KITLG: variants seen among roughly 807,000 people sequenced by gnomAD.
KITLG encodes the protein KIT ligand, also known as c-Kit ligand.
A neutral mutation model predicts 34.1 loss-of-function variants in KITLG; 13 were observed. The observed-to-expected ratio is 0.38, with a 90% CI of 0.25 to 0.61. The LOEUF (loss-of-function observed/expected upper bound fraction) is 0.61. Ranked by LOEUF, KITLG falls within the 20% of genes least tolerant of loss-of-function variation. The pLI is 0.60. For missense variants in KITLG, 292 were observed against 318.9 expected (o/e 0.92, Z 0.64); for synonymous variants, 110 against 104.0 (o/e 1.06, Z -0.35).
chr12:88,580,097 G>T, intron 1 of KITLG, 167 bp downstream of exon 1: 1 of 724,958 alleles, frequency 1.4e-6, no homozygotes. Flanking sequence ...ACCCGGCTCG[G>T]CTCGGGATCA....
chr12:88,567,498 G>A (rs896573289), intron 1 of KITLG, among the ~76,000 whole-genome samples: 1 of 152,182 alleles, frequency 6.6e-6, no homozygotes, highest in East Asian at 1.9e-4. Flanking sequence ...AAAGTAACTT[G>A]CATCTGTCTT....
At chr12:88,562,713 T>C (rs1179365870) in intron 1 of KITLG, among the ~76,000 whole-genome samples, 3 of 152,186 alleles carry the variant, frequency 2.0e-5, no homozygotes, top group Admixed American at 2.0e-4. Flanking sequence ...CCTAGGTCCA[T>C]GTAAGTGGAA....
At chr12:88,516,080 AAGGTATG>A (rs1869443932) in intron 5 of KITLG, among the ~76,000 whole-genome samples, 1 of 151,796 alleles carries the variant, frequency 6.6e-6, no homozygotes, top group South Asian at 2.1e-4. Flanking sequence ...TAGATGAGAA[AAGGTATG>A]AGTGGCCATC....
At chr12:88,515,386 T>G (rs545206012) in intron 6 of KITLG, 148 bp downstream of exon 6, 1 of 580,108 alleles carries the variant, frequency 1.7e-6, no homozygotes, top group Non-Finnish European at 3.1e-6. Context: ...TTCTACAAAC[T>G]TAAGTCTCAA....
chr12:88,505,297 G>T, intron 8 of KITLG, 62 bp from the exon 9 acceptor site: 2 of 1,327,226 alleles, frequency 1.5e-6, no homozygotes, highest in South Asian at 1.2e-5. Context: ...GGTACACCAT[G>T]ATCTCGGCAT....
At chr12:88,518,577 T>C in intron 4 of KITLG, 120 bp downstream of exon 4, 1 of 782,552 alleles carries the variant, frequency 1.3e-6, no homozygotes, top group East Asian at 2.6e-5. Context: ...ATTTTTAAAT[T>C]TGAAGTTTAT....
rs1490799451 is a variant in KITLG at position 88,571,249 on chromosome 12, C to T, written c.15+9015G>A. ...GAAACAATGCTCTATTAAGTAAGTG[C>T]CAGTTGCTGTGATGTTAGACAGTCT... is the stretch of plus-strand genomic sequence containing the variant. On this transcript the variant is annotated intron_variant, in intron 1 of 9. Coordinates refer to ENST00000644744, the MANE Select transcript of KITLG (RefSeq NM_000899.5). Among the ~76,000 whole-genome samples, 3 of 152,224 alleles carry T rather than the reference C, an allele frequency of 2.0e-5. No homozygotes were observed. The East Asian group carries it at 5.8e-4, about 29-fold the overall frequency.
chr12:88,515,959 G>C (rs1273800763), intron 5 of KITLG, among the ~76,000 whole-genome samples: 1 of 151,690 alleles, frequency 6.6e-6, no homozygotes, highest in Non-Finnish European at 1.5e-5. Flanking sequence ...AGAGTAACTG[G>C]GGAGGATCAG....
At chr12:88,547,256 T>C (rs569803259) in intron 1 of KITLG, among the ~76,000 whole-genome samples, 1 of 152,220 alleles carries the variant, frequency 6.6e-6, no homozygotes, top group African/African-American at 2.4e-5. Flanking sequence ...AACTAGATAT[T>C]ATACTAGAAC....
intron 1 of KITLG, among the ~76,000 whole-genome samples, chr12:88,564,697 G>A (rs1489495275): frequency 1.3e-5 from 2 of 151,326 alleles, no homozygotes; most frequent in African/African-American, 2.4e-5. Context: ...TTCAAGAAAT[G>A]TTAACTTTTC....
intron 3 of KITLG, among the ~76,000 whole-genome samples, chr12:88,529,774 G>A (rs908946046): frequency 2.6e-5 from 4 of 152,124 alleles, no homozygotes; most frequent in African/African-American, 4.8e-5. Flanking sequence ...TCTGGTCTTC[G>A]CAGAAACGAA....
At chr12:88,521,055 A>G (rs954253080) in intron 3 of KITLG, among the ~76,000 whole-genome samples, 1 of 152,176 alleles carries the variant, frequency 6.6e-6, no homozygotes, top group Admixed American at 6.5e-5. Flanking sequence ...GTGTATTTCT[A>G]AAACACTTGT....
chr12:88,548,767 T>C (rs555522835), intron 1 of KITLG, among the ~76,000 whole-genome samples: 5 of 152,360 alleles, frequency 3.3e-5, no homozygotes, highest in African/African-American at 7.2e-5. Flanking sequence ...GCCTGCTACC[T>C]AGTAACTTCA....
At chr12:88,552,073 G>T (rs1870934876) in intron 1 of KITLG, among the ~76,000 whole-genome samples, 1 of 151,928 alleles carries the variant, frequency 6.6e-6, no homozygotes, top group South Asian at 2.1e-4. Flanking sequence ...AAAAGAGAAA[G>T]AAATAGATTC....
At chr12:88,553,539 T>C (rs914412424) in intron 1 of KITLG, among the ~76,000 whole-genome samples, 2 of 152,218 alleles carry the variant, frequency 1.3e-5, no homozygotes, top group Non-Finnish European at 1.5e-5. Context: ...GTCAAGCTCA[T>C]TGTGTGATAA....
intron 1 of KITLG, among the ~76,000 whole-genome samples, chr12:88,575,457 T>G (rs956781751): frequency 6.6e-6 from 1 of 152,178 alleles, no homozygotes; most frequent in African/African-American, 2.4e-5. Flanking sequence ...TAGGTAGAGA[T>G]GAGATCATGA....
rs11104905 is a variant in KITLG at position 88,496,804 on chromosome 12, C to G, written c.*415G>C. 0.078 allele frequency: 12,093 copies of G among 154,182 alleles called. 524 individuals are homozygous for G. Among genetic ancestry groups the G allele is most frequent in the Non-Finnish European group, 0.1 (7,081 of 69,084 alleles). The allele number at this position is 154,182 out of a possible 1,614,324, so 9.6% of individuals were successfully genotyped here. On this transcript the variant is annotated 3_prime_UTR_variant, in exon 10 of 10. Transcript: ENST00000644744. ...CCAAGCTGAAATCTACTTGCAGAGA[C>G]CAGGATAACTACAGGCTGCAGTTTG... is the stretch of plus-strand genomic sequence containing the variant.
At chr12:88,528,505 A>AG (rs1244021605) in intron 3 of KITLG, among the ~76,000 whole-genome samples, 1 of 152,200 alleles carries the variant, frequency 6.6e-6, no homozygotes, top group Non-Finnish European at 1.5e-5. Flanking sequence ...AAAACAAAAA[A>AG]CAAAAACAAA....
intron 2 of KITLG, among the ~76,000 whole-genome samples, chr12:88,538,558 G>C (rs1000823687): frequency 6.6e-6 from 1 of 152,024 alleles, no homozygotes; most frequent in Non-Finnish European, 1.5e-5. Context: ...ACAGTTTGGA[G>C]CAAAGAGAAA....
Sources: gnomAD v4.1 joint callset for allele counts (sites outside exome capture counted in the v4.1 genomes callset) on GRCh38, gnomAD v4.1.1 for gene constraint, MANE v1.5 for transcripts, NCBI Gene and HGNC (gene_info 2026-07-23, HGNC 2026-07-21) for gene names.